The following PTPRD variants were observed in gnomAD, a reference collection of about 807,000 sequenced individuals.
PTPRD encodes receptor-type tyrosine-protein phosphatase delta.
Under a neutral mutation model 214.5 loss-of-function variants are expected in PTPRD, and 34 were observed. The observed-to-expected ratio is 0.16, with a 90% CI of 0.12 to 0.21. The LOEUF is 0.21. Ranked by LOEUF, PTPRD falls within the 10% of genes least tolerant of loss-of-function variation. The pLI is 1.00. For synonymous variants in PTPRD, 1,128 were observed against 845.7 expected (o/e 1.33, Z -5.79); for missense variants, 2,545 against 2,398.7 (o/e 1.06, Z -1.27).
chr9:9,482,947 G>C (rs1353194906), intron 8 of PTPRD, among the ~76,000 whole-genome samples: 1 of 152,126 alleles, frequency 6.6e-6, no homozygotes, highest in Non-Finnish European at 1.5e-5. Context: ...AGTTTCTTAA[G>C]TAAAGCCAGT....
chr9:9,062,269 T>C (rs1039278752), intron 10 of PTPRD, among the ~76,000 whole-genome samples: 4 of 152,142 alleles, frequency 2.6e-5, no homozygotes, highest in Non-Finnish European at 5.9e-5. Context: ...CCAGGAGAGA[T>C]ATAAAAATAT....
At chr9:10,363,996 T>TTCGTTGC (rs1565556407) in intron 2 of PTPRD, among the ~76,000 whole-genome samples, 1 of 98,632 alleles carries the variant, frequency 1.0e-5, no homozygotes, top group Non-Finnish European at 2.0e-5. Context: ...TTCGGGTTTT[T>TTCGTTGC]TTTTTTTTTT....
chr9:10,184,914 G>A (rs974272394), intron 3 of PTPRD, among the ~76,000 whole-genome samples: 1 of 152,140 alleles, frequency 6.6e-6, no homozygotes, highest in Admixed American at 6.5e-5. Context: ...AGGGCAGGAA[G>A]ACTTAAAGCA....
At chr9:10,404,322 C>T (rs1200824425) in intron 2 of PTPRD, among the ~76,000 whole-genome samples, 1 of 151,696 alleles carries the variant, frequency 6.6e-6, no homozygotes, top group Non-Finnish European at 1.5e-5. Flanking sequence ...GTTTAATATA[C>T]ACATAGGTGA....
rs180684326 is a variant in PTPRD, at chr9:9,804,748, A to T, written c.-367-37897T>A. Among the ~76,000 whole-genome samples the T allele has an allele frequency of 6.1e-4, 92 of 152,006 alleles. 1 individual carries two copies. The highest frequency in any genetic ancestry group is 1.9e-3 in the African/African-American group (79 of 41,550). On this transcript the variant is annotated intron_variant, in intron 5 of 45. Transcript: ENST00000381196. Reference sequence around the variant, plus strand: ...TTCTTTAGCATACCATGCACTTGGTAGAGATATGAGGTGTGCTTTTTATAT... The same window carrying T: ...TTCTTTAGCATACCATGCACTTGGTTGAGATATGAGGTGTGCTTTTTATAT...
At chr9:10,449,438 G>T (rs112508754) in intron 2 of PTPRD, among the ~76,000 whole-genome samples, 6,797 of 150,636 alleles carry the variant, frequency 0.045, 617 homozygotes, top group African/African-American at 0.15. Flanking sequence ...GTACCAAGAT[G>T]GCAGCCTCCG....
chr9:8,759,655 A>C (rs1205673409), intron 11 of PTPRD, among the ~76,000 whole-genome samples: 3 of 114,930 alleles, frequency 2.6e-5, no homozygotes, highest in South Asian at 2.6e-4. Flanking sequence ...TTCTTTTCCT[A>C]CTCATTTCAC....
At chr9:9,594,930 T>C (rs1256193324) in intron 7 of PTPRD, among the ~76,000 whole-genome samples, 2 of 151,964 alleles carry the variant, frequency 1.3e-5, no homozygotes, top group African/African-American at 4.8e-5. Flanking sequence ...GCTAAGGACA[T>C]GAATAGACAA....
chr9:9,341,958 G>A (rs1046385128), intron 9 of PTPRD, among the ~76,000 whole-genome samples: 1 of 151,980 alleles, frequency 6.6e-6, no homozygotes, highest in Non-Finnish European at 1.5e-5. Context: ...ACAGGCATGT[G>A]CCACCATGCC....
At chr9:8,585,753 G>A (rs1285846653) in intron 14 of PTPRD, among the ~76,000 whole-genome samples, 2 of 152,058 alleles carry the variant, frequency 1.3e-5, no homozygotes, top group Non-Finnish European at 2.9e-5. Flanking sequence ...CAATTGCATT[G>A]AAAAAATGCT....
At chr9:8,318,048 G>T in intron 45 of PTPRD, 106 bp from the exon 46 acceptor site, 1 of 1,049,484 alleles carries the variant, frequency 9.5e-7, no homozygotes, top group Non-Finnish European at 1.4e-6. Flanking sequence ...CTATATAGGG[G>T]CAAAATCACT....
intron 9 of PTPRD, among the ~76,000 whole-genome samples, chr9:9,299,381 G>T (rs1954377548): frequency 6.6e-6 from 1 of 151,660 alleles, no homozygotes; most frequent in Non-Finnish European, 1.5e-5. Flanking sequence ...GGTGGGTAGA[G>T]CCTGAGGATG....
chr9:8,465,358 C>T (rs1025071988), intron 32 of PTPRD, 108 bp downstream of exon 32: 3 of 991,146 alleles, frequency 3.0e-6, no homozygotes, highest in African/African-American at 1.6e-5. Flanking sequence ...AATAACAGTT[C>T]ATGAGAAATA....
chr9:10,389,734 C>A (rs187783185), intron 2 of PTPRD, among the ~76,000 whole-genome samples: 63 of 151,948 alleles, frequency 4.1e-4, no homozygotes, highest in African/African-American at 1.4e-3. Flanking sequence ...ACTCCACCTC[C>A]ACATCATTAT....
chr9:9,137,756 A>G lies in PTPRD; in HGVS notation c.-143+45548T>C, dbSNP rs758972622. ...TTAAAAGTGTTTCTCTGACAGTTGT[A>G]TATTACAGCTGGATTCCTGGTGCAT... On this transcript the variant is annotated intron_variant, in intron 10 of 45. Transcript: ENST00000381196. 8.1e-4 allele frequency among the ~76,000 whole-genome samples: 123 copies of G among 152,262 alleles called. 1 individual carries two copies. Among genetic ancestry groups the G allele is most frequent in the Admixed American group, 4.7e-3 (72 of 15,290 alleles).
chr9:9,612,217 A>G (rs950134154), intron 7 of PTPRD, among the ~76,000 whole-genome samples: 2 of 151,546 alleles, frequency 1.3e-5, no homozygotes, highest in Non-Finnish European at 2.9e-5. Context: ...CTGTAGGGGG[A>G]ATAAAAAAAA....
chr9:10,585,007 G>A (rs2073434049), intron 2 of PTPRD, among the ~76,000 whole-genome samples: 1 of 152,066 alleles, frequency 6.6e-6, no homozygotes. Context: ...AACTGATGAT[G>A]ACATAAAGTG....
chr9:9,981,913 G>A lies in PTPRD; in HGVS notation c.-471-43303C>T, dbSNP rs966092514. 5.9e-5 allele frequency among the ~76,000 whole-genome samples: 9 copies of A among 151,954 alleles called. No individual in the cohort carries two copies. In the South Asian group the frequency reaches 8.3e-4, roughly 14 times the overall value. Reference sequence around the variant, plus strand: ...ATAAAGACAGGGCTTTTCTGTTGTTGTTCAAGGTGTCTCAAACACAAATAT... The same window carrying A: ...ATAAAGACAGGGCTTTTCTGTTGTTATTCAAGGTGTCTCAAACACAAATAT... On this transcript the variant is annotated intron_variant, in intron 4 of 45. Coordinates refer to ENST00000381196, the MANE Select transcript of PTPRD (RefSeq NM_002839.4).
At chr9:9,824,851 AC>A (rs1555171721) in intron 5 of PTPRD, among the ~76,000 whole-genome samples, 1 of 152,014 alleles carries the variant, frequency 6.6e-6, no homozygotes, top group Non-Finnish European at 1.5e-5. Flanking sequence ...ACTGCTCTAT[AC>A]CAGTATTCAT....
Sources: allele counts gnomAD v4.1 joint callset (sites outside exome capture counted in the v4.1 genomes callset), GRCh38; gene constraint gnomAD v4.1.1; transcripts MANE v1.5; gene names NCBI Gene and HGNC (gene_info 2026-07-23, HGNC 2026-07-21).